KIF4B: variants seen among roughly 807,000 people sequenced by gnomAD.
KIF4B encodes the protein chromosome-associated kinesin KIF4B.
KIF4B carries 60 observed loss-of-function variants against 69.0 expected under a neutral mutation model. The observed-to-expected ratio is 0.87, with a 90% confidence interval of 0.71 to 1.08. The LOEUF is 1.08. KIF4B is among the 50% of genes least tolerant of loss of function. The probability of loss-of-function intolerance (pLI) is 0.00; values close to 1 mark genes in which losing one functional copy is unlikely to be tolerated. For synonymous variants in KIF4B, 489 were observed against 533.0 expected, an observed-to-expected ratio of 0.92 and a Z score of 1.14; for missense variants, 1,357 against 1,451.9, an observed-to-expected ratio of 0.93 and a Z score of 1.06.
chr5:155,017,739 A>G lies in KIF4B; in HGVS notation c.*175A>G, dbSNP rs769237958. The G allele has an allele frequency of 2.0e-5, 24 of 1,178,176 alleles. No individual in the cohort carries two copies. The highest frequency in any genetic ancestry group is 2.9e-5 in the Admixed American group (1 of 34,544). 73.0% of individuals were successfully genotyped at this position (1,178,176 alleles called of 1,614,324 possible). On this transcript the variant is annotated 3_prime_UTR_variant, in exon 1 of 1. Coordinates refer to ENST00000435029, the MANE Select transcript of KIF4B (RefSeq NM_001099293.3). ...TGTTGGATGTTGTCCCTCAGTCTCC[A>G]TCCCCAGACTACTGCTCTCTGCTCT...
At position 155,014,049 on chromosome 5, in the gene KIF4B, G is replaced by A. The variant is rs763158371; in HGVS notation, c.190G>A (p.Val64Ile). The A allele has an allele frequency of 1.2e-6, 2 of 1,614,110 alleles. No individual in the cohort carries two copies. The highest frequency in any genetic ancestry group is 2.7e-5 in the African/African-American group (2 of 74,928). The change falls in exon 1 of 1, where the codon GTC (valine) becomes ATC (isoleucine). Residue 64 changes from valine (V) to isoleucine (I), a missense_variant. Transcript: ENST00000435029. The part of the protein sequence containing the change: ...VFDPCTEQEE[V>I]FNKAVAPLIK... ...TGACCCCTGTACTGAGCAGGAAGAA[G>A]TCTTCAATAAAGCAGTAGCGCCGCT...
In KIF4B at chr5:155,015,283, A is replaced by C. The variant is rs755426892; in HGVS notation, c.1424A>C (p.Gln475Pro). ...TGTAACCTGCAGCAACTGATTACCC[A>C]GTTATCAGATGAAACTGTTGCTTGC... ...IICNLQQLIT[Q>P]LSDETVACTA... is the part of the protein sequence containing the mutation. Residue 475 changes from glutamine (Q) to proline (P), a missense_variant, in exon 1 of 1, where the codon CAG becomes CCG. Physicochemically the swap from Gln to Pro is moderately conservative, Grantham distance 76 (BLOSUM62 -1). Transcript: ENST00000435029. The C allele has an allele frequency of 1.9e-6, 3 of 1,614,252 alleles. No individual in the cohort carries two copies. In the South Asian group the frequency reaches 3.3e-5, roughly 18 times the overall value.
chr5:155,015,065 A>C lies in KIF4B; in HGVS notation c.1206A>C (p.Leu402Phe), dbSNP rs201607498. ...NQSLVEENEK[L>F]SRCLSKAAGQ... ...CCCTGGTAGAGGAGAATGAAAAATT[A>C]AGTCGTTGTCTGAGCAAGGCAGCTG... The change falls in exon 1 of 1, where the codon TTA becomes TTC. Residue 402 changes from leucine to phenylalanine, a missense_variant. Transcript: ENST00000435029. 7 of 1,614,070 alleles carry C rather than the reference A, an allele frequency of 4.3e-6. No individual in the cohort carries two copies. Among genetic ancestry groups the C allele is most frequent in the Non-Finnish European group, 5.1e-6 (6 of 1,180,048 alleles).
rs749291542 is a variant in KIF4B at position 155,014,583 on chromosome 5, G to A, written c.724G>A (p.Ala242Thr). The A allele has an allele frequency of 2.0e-5, 32 of 1,614,134 alleles. No homozygotes were observed. Among genetic ancestry groups the A allele is most frequent in the Non-Finnish European group, 2.5e-5 (29 of 1,180,002 alleles). ...FRSKLHLVDL[A>T]GSERQKKTKA... ...CTCCAAGCTGCATCTTGTAGATCTC[G>A]CTGGATCAGAAAGACAGAAGAAAAC... Residue 242 changes from alanine (A) to threonine (T), a missense_variant, in exon 1 of 1, where the codon GCT becomes ACT. Physicochemically the swap from Ala to Thr is moderately conservative, Grantham distance 58 (BLOSUM62 0). Coordinates refer to ENST00000435029, the MANE Select transcript of KIF4B (RefSeq NM_001099293.3).
chr5:155,017,422 C>T lies in KIF4B; in HGVS notation c.3563C>T (p.Ser1188Phe). ...TCAAAGAAGACTGCTCCAGCTCCCT[C>T]CCCTTTTGACCTCCCAGAGTCGAAA... ...VLSKKTAPAPSPFDLPESKHG... is the reference protein window; with the variant it reads ...VLSKKTAPAPFPFDLPESKHG... The change falls in exon 1 of 1, where the codon TCC becomes TTC. Residue 1188 changes from serine (S) to phenylalanine (F), a missense_variant. Coordinates refer to ENST00000435029, the MANE Select transcript of KIF4B (RefSeq NM_001099293.3). The T allele has an allele frequency of 1.2e-6, 2 of 1,614,186 alleles. No homozygotes were observed. Among genetic ancestry groups the T allele is most frequent in the Non-Finnish European group, 1.7e-6 (2 of 1,180,030 alleles).
In KIF4B at chr5:155,014,400, G is replaced by A. The variant is rs1561755566; in HGVS notation, c.541G>A (p.Val181Ile). The A allele has an allele frequency of 1.2e-6, 2 of 1,614,094 alleles. No individual in the cohort carries two copies. The highest frequency in any genetic ancestry group is 1.1e-5 in the South Asian group (1 of 91,088). Reference protein sequence around the residue: ...IKIVGLTEKTVLVALDTVSCL... With the variant: ...IKIVGLTEKTILVALDTVSCL... ...GATTGTGGGACTCACTGAGAAGACT[G>A]TTTTAGTTGCCTTGGATACTGTTTC... The change falls in exon 1 of 1, where the codon GTT (valine) becomes ATT (isoleucine). Residue 181 changes from valine (V) to isoleucine (I), a missense_variant. Transcript: ENST00000435029.
In KIF4B at chr5:155,014,732, C is replaced by T. The variant is rs761444577; in HGVS notation, c.873C>T (p.Ser291=). The part of the protein sequence containing the change: ...KKGSFVPYRD[S]KLTRLLQDSL... ...GTAGCTTTGTGCCCTACAGAGATTCCAAGTTAACTCGACTGCTGCAAGATT... is the reference window on the plus strand; with the variant it reads ...GTAGCTTTGTGCCCTACAGAGATTCTAAGTTAACTCGACTGCTGCAAGATT... The change falls in exon 1 of 1, where the codon TCC becomes TCT. Residue 291 remains serine, a synonymous_variant. Coordinates refer to ENST00000435029, the MANE Select transcript of KIF4B (RefSeq NM_001099293.3). 6.2e-7 allele frequency: 1 copy of T among 1,614,114 alleles called. No individual in the cohort carries two copies. Among genetic ancestry groups the T allele is most frequent in the Admixed American group, 1.7e-5 (1 of 60,026 alleles).
chr5:155,016,351 G>A lies in KIF4B; in HGVS notation c.2492G>A (p.Ser831Asn). 3 of 1,614,206 alleles carry A rather than the reference G, an allele frequency of 1.9e-6. No homozygotes were observed. Among genetic ancestry groups the A allele is most frequent in the Non-Finnish European group, 2.5e-6 (3 of 1,180,038 alleles). ...CTAGAGACTGAAATGGAACTCAGGA[G>A]TGCTCAGATTGCTGACCTACAGCAG... is the stretch of plus-strand genomic sequence containing the variant. Reference protein sequence around the residue: ...ESLETEMELRSAQIADLQQKL... With the variant: ...ESLETEMELRNAQIADLQQKL... Residue 831 changes from serine to asparagine, a missense_variant, in exon 1 of 1, where the codon AGT (serine) becomes AAT (asparagine). Physicochemically the swap from Ser to Asn is conservative, Grantham distance 46. Coordinates refer to ENST00000435029, the MANE Select transcript of KIF4B (RefSeq NM_001099293.3).
rs771905325 is a variant in KIF4B, at chr5:155,016,360, T to C, written c.2501T>C (p.Ile834Thr). ...ETEMELRSAQ[I>T]ADLQQKLLDA... ...GAAATGGAACTCAGGAGTGCTCAGA[T>C]TGCTGACCTACAGCAGAAGCTGCTG... is the stretch of plus-strand genomic sequence containing the variant. The change falls in exon 1 of 1, where the codon ATT (isoleucine) becomes ACT (threonine). Residue 834 changes from isoleucine to threonine, a missense_variant. Physicochemically the swap from Ile to Thr is moderately conservative, Grantham distance 89. Transcript: ENST00000435029. 2.5e-6 allele frequency: 4 copies of C among 1,614,064 alleles called. No individual in the cohort carries two copies. In the African/African-American group the frequency reaches 4.0e-5, roughly 16 times the overall value.
In KIF4B at chr5:155,013,992, ACTGATAAATC is replaced by A; in HGVS notation, c.136_145del (p.Asp46SerfsTer21). The stretch of plus-strand genomic sequence containing the variant: ...CGGGGAGACTCAGGTGGTGGTTGGT[ACTGATAAATC>A]CTTCACCTACGATTTTGTGTTTGAC... On this transcript the variant is annotated frameshift_variant, in exon 1 of 1. Transcript: ENST00000435029. LOFTEE classifies it high-confidence loss of function. 1 of 1,614,230 alleles carries A rather than the reference ACTGATAAATC, an allele frequency of 6.2e-7. No individual in the cohort carries two copies. The highest frequency in any genetic ancestry group is 8.5e-7 in the Non-Finnish European group (1 of 1,180,042).
Position 155,016,678 on chromosome 5 carries a change from A to G in KIF4B, c.2819A>G (p.Glu940Gly). Residue 940 changes from glutamate to glycine, a missense_variant, in exon 1 of 1, where the codon GAA becomes GGA. Transcript: ENST00000435029. ...CTATACCTTGTCAGCCAGCTGCAGG[A>G]AAGCCAAATGGCAGAGAAGCAGTTA... is the stretch of plus-strand genomic sequence containing the variant. ...KVLYLVSQLQ[E>G]SQMAEKQLEK... The G allele has an allele frequency of 6.2e-7, 1 of 1,614,256 alleles. No individual in the cohort carries two copies. Among genetic ancestry groups the G allele is most frequent in the South Asian group, 1.1e-5 (1 of 91,084 alleles).
chr5:155,015,879 C>T lies in KIF4B; in HGVS notation c.2020C>T (p.Gln674Ter), dbSNP rs375883993. 3.1e-6 allele frequency: 5 copies of T among 1,614,210 alleles called. No individual in the cohort carries two copies. The highest frequency in any genetic ancestry group is 4.2e-6 in the Non-Finnish European group (5 of 1,180,042). The change falls in exon 1 of 1, where the codon CAG becomes TAG. Residue 674 changes from glutamine (Q) to a stop codon, truncating the protein, a stop_gained. Transcript: ENST00000435029. LOFTEE classifies it high-confidence loss of function. ...WKQKKDKEVI[Q>*]LKERDRKRQY... is the part of the protein sequence containing the mutation. Reference sequence around the variant, plus strand: ...GCAGAAAAAAGACAAAGAAGTAATACAGTTGAAAGAACGAGACCGTAAGAG... The same window carrying T: ...GCAGAAAAAAGACAAAGAAGTAATATAGTTGAAAGAACGAGACCGTAAGAG...
Position 155,016,318 on chromosome 5 carries a change from T to A in KIF4B, c.2459T>A (p.Ile820Asn). ...LESEDCITKQ[I>N]ESLETEMELR... ...TCAGAAGATTGTATTACAAAACAGATTGAAAGCCTAGAGACTGAAATGGAA... is the reference window on the plus strand; with the variant it reads ...TCAGAAGATTGTATTACAAAACAGAATGAAAGCCTAGAGACTGAAATGGAA... Residue 820 changes from isoleucine to asparagine, a missense_variant, in exon 1 of 1, where the codon ATT (isoleucine) becomes AAT (asparagine). Transcript: ENST00000435029. 1 of 1,614,142 alleles carries A rather than the reference T, an allele frequency of 6.2e-7. No individual in the cohort carries two copies. Among genetic ancestry groups the A allele is most frequent in the Non-Finnish European group, 8.5e-7 (1 of 1,180,014 alleles).
chr5:155,013,918 TC>T lies in KIF4B; in HGVS notation c.63del (p.Glu23ArgfsTer47), dbSNP rs1765275828. The T allele has an allele frequency of 3.1e-6, 5 of 1,614,204 alleles. No individual in the cohort carries two copies. The East Asian group carries it at 1.1e-4, about 36-fold the overall frequency. On this transcript the variant is annotated frameshift_variant, in exon 1 of 1. Transcript: ENST00000435029. LOFTEE classifies it high-confidence loss of function. ...GTGGCACTGCGTTGTCGCCCTCTGG[TC>T]CCCAAAGAGATTAGCGAGGGCTGCC... ...VRVALRCRPL[V>X]PKEISEGCQM...
rs1372757918 is a variant in KIF4B at position 155,016,259 on chromosome 5, C to G, written c.2400C>G (p.Phe800Leu). 2 of 1,614,174 alleles carry G rather than the reference C, an allele frequency of 1.2e-6. No individual in the cohort carries two copies. The highest frequency in any genetic ancestry group is 2.7e-5 in the African/African-American group (2 of 75,052). ...NPPPKLRKCT[F>L]SLSEVHGQVL... ...CTCCTAAACTCCGGAAGTGTACATTCTCCCTTTCTGAGGTGCATGGTCAAG... is the reference window on the plus strand; with the variant it reads ...CTCCTAAACTCCGGAAGTGTACATTGTCCCTTTCTGAGGTGCATGGTCAAG... Residue 800 changes from phenylalanine to leucine, a missense_variant, in exon 1 of 1, where the codon TTC becomes TTG. Phe to Leu is a conservative substitution (Grantham distance 22, BLOSUM62 0). Coordinates refer to ENST00000435029, the MANE Select transcript of KIF4B (RefSeq NM_001099293.3).
Position 155,017,266 on chromosome 5 carries a change from A to G in KIF4B, c.3407A>G (p.Gln1136Arg), listed in dbSNP as rs1765347487. The change falls in exon 1 of 1, where the codon CAG becomes CGG. Residue 1136 changes from glutamine (Q) to arginine (R), a missense_variant. Coordinates refer to ENST00000435029, the MANE Select transcript of KIF4B (RefSeq NM_001099293.3). ...KDSLGTVEQTQDSEGSFKLED... is the reference protein window; with the variant it reads ...KDSLGTVEQTRDSEGSFKLED... The stretch of plus-strand genomic sequence containing the variant: ...AGCTTGGGCACTGTTGAACAGACCC[A>G]GGATTCCGAAGGCTCCTTCAAACTG... The G allele has an allele frequency of 6.2e-7, 1 of 1,614,084 alleles. No homozygotes were observed. The highest frequency in any genetic ancestry group is 1.7e-5 in the Admixed American group (1 of 60,006).
In KIF4B at chr5:155,017,637, T is replaced by C. The variant is rs932310107; in HGVS notation, c.*73T>C. 6 of 1,508,810 alleles carry C rather than the reference T, an allele frequency of 4.0e-6. No individual in the cohort carries two copies. The African/African-American group carries it at 7.0e-5, about 18-fold the overall frequency. 93.5% of individuals were successfully genotyped at this position (1,508,810 alleles called of 1,614,324 possible). On this transcript the variant is annotated 3_prime_UTR_variant, in exon 1 of 1. Transcript: ENST00000435029. ...CCAGTTGCAGCCAGAAGGGGTTTTT[T>C]AAATGACTTCTCTGGATTTCAGGTT...
chr5:155,015,547 A>G lies in KIF4B; in HGVS notation c.1688A>G (p.Asn563Ser). The change falls in exon 1 of 1, where the codon AAT becomes AGT. Residue 563 changes from asparagine to serine, a missense_variant. Physicochemically the swap from Asn to Ser is conservative, Grantham distance 46. Coordinates refer to ENST00000435029, the MANE Select transcript of KIF4B (RefSeq NM_001099293.3). ...TTTCAATACCAGGATAACATAAAAA[A>G]TCTAGAATTAGAAGTCATCAATCTG... is the stretch of plus-strand genomic sequence containing the variant. The part of the protein sequence containing the change: ...IQFQYQDNIK[N>S]LELEVINLQK... 3 of 1,614,230 alleles carry G rather than the reference A, an allele frequency of 1.9e-6. No homozygotes were observed. The highest frequency in any genetic ancestry group is 2.5e-6 in the Non-Finnish European group (3 of 1,180,052).
Position 155,014,319 on chromosome 5 carries a change from C to G in KIF4B, c.460C>G (p.Pro154Ala). ...TGAAGAAATTTTGGATCTTCTATGC[C>G]CATCTCGTGAGAAAGCTCAAATAAA... is the stretch of plus-strand genomic sequence containing the variant. ...YNEEILDLLC[P>A]SREKAQINIR... The change falls in exon 1 of 1, where the codon CCA becomes GCA. Residue 154 changes from proline (P) to alanine (A), a missense_variant. Pro to Ala is a conservative substitution (Grantham distance 27, BLOSUM62 -1). Transcript: ENST00000435029. 6.2e-7 allele frequency: 1 copy of G among 1,614,054 alleles called. No individual in the cohort carries two copies. Among genetic ancestry groups the G allele is most frequent in the Non-Finnish European group, 8.5e-7 (1 of 1,180,028 alleles).
Sources: gnomAD v4.1 joint callset for allele counts on GRCh38, gnomAD v4.1.1 for gene constraint, MANE v1.5 for transcripts, NCBI Gene and HGNC (gene_info 2026-07-23, HGNC 2026-07-21) for gene names.